RAPGEF1: variants seen among roughly 807,000 people sequenced by gnomAD.
RAPGEF1 encodes CRK SH3-binding GNRP.
Under a neutral mutation model 143.3 loss-of-function variants are expected in RAPGEF1, and 33 were observed. That is an observed-to-expected ratio of 0.23 (90% CI 0.17 to 0.31). The LOEUF is 0.31. Ranked by LOEUF, RAPGEF1 falls within the 10% of genes least tolerant of loss-of-function variation. RAPGEF1 has a pLI of 1.00. For missense variants in RAPGEF1, 1,199 were observed against 1,645.4 expected, an observed-to-expected ratio of 0.73 and a Z score of 4.69; for synonymous variants, 629 against 676.5, an observed-to-expected ratio of 0.93 and a Z score of 1.09.
At chr9:131,683,119 C>T (rs1048489702) in intron 1 of RAPGEF1, among the ~76,000 whole-genome samples, 2 of 152,056 alleles carry the variant, frequency 1.3e-5, no homozygotes, top group African/African-American at 4.8e-5. Context: ...GGGGCATGTC[C>T]CTGGTATGGG....
chr9:131,671,065 CCA>C (rs1831298025), intron 1 of RAPGEF1, among the ~76,000 whole-genome samples: 2 of 152,230 alleles, frequency 1.3e-5, no homozygotes, highest in Admixed American at 1.3e-4. Context: ...TCTCTAAACC[CCA>C]CACTGTCCGG....
At chr9:131,608,913 A>G (rs969644075) in intron 12 of RAPGEF1, among the ~76,000 whole-genome samples, 4 of 152,210 alleles carry the variant, frequency 2.6e-5, no homozygotes, top group African/African-American at 9.7e-5. Flanking sequence ...CATTCCACAG[A>G]AACGCCGCCT....
At chr9:131,701,997 C>T (rs1834685962) in intron 1 of RAPGEF1, among the ~76,000 whole-genome samples, 1 of 152,210 alleles carries the variant, frequency 6.6e-6, no homozygotes, top group Non-Finnish European at 1.5e-5. Flanking sequence ...ATGGCCTTGT[C>T]CGTTCTATTC....
chr9:131,606,535 TTC>T (rs779438900), intron 12 of RAPGEF1, among the ~76,000 whole-genome samples: 1 of 152,142 alleles, frequency 6.6e-6, no homozygotes, highest in Non-Finnish European at 1.5e-5. Context: ...CGCTCAAACA[TTC>T]TCTGTGTTTG....
intron 5 of RAPGEF1, among the ~76,000 whole-genome samples, chr9:131,633,687 C>T (rs555092568): frequency 2.8e-4 from 42 of 152,286 alleles, no homozygotes; most frequent in Admixed American, 9.1e-4. Flanking sequence ...TACACTAGCT[C>T]GCGTGGCCTA....
chr9:131,643,160 A>G, intron 4 of RAPGEF1, 79 bp downstream of exon 4: 1 of 1,459,940 alleles, frequency 6.8e-7, no homozygotes, highest in Non-Finnish European at 9.1e-7. Context: ...AGGAACCTTG[A>G]GTTTCCAGTG....
intron 1 of RAPGEF1, among the ~76,000 whole-genome samples, chr9:131,661,560 G>GT (rs1974115885): frequency 6.6e-6 from 1 of 152,028 alleles, no homozygotes. Context: ...ATCTACATAA[G>GT]GTATGTGTAT....
chr9:131,606,286 G>A (rs1009340292), intron 12 of RAPGEF1, among the ~76,000 whole-genome samples: 4 of 152,192 alleles, frequency 2.6e-5, no homozygotes, highest in Admixed American at 2.0e-4. Flanking sequence ...CAGCCACCAC[G>A]TGGAGAGAAT....
chr9:131,735,702 C>T (rs949566187), intron 1 of RAPGEF1, among the ~76,000 whole-genome samples: 1 of 152,154 alleles, frequency 6.6e-6, no homozygotes, highest in Non-Finnish European at 1.5e-5. Context: ...CCAAGTGGGC[C>T]GTCGGAGGTG....
chr9:131,602,446 G>A (rs553241371), intron 14 of RAPGEF1, among the ~76,000 whole-genome samples: 13 of 152,234 alleles, frequency 8.5e-5, no homozygotes, highest in East Asian at 1.9e-4. Flanking sequence ...CACTCCCCCC[G>A]AGCACAGCCA....
chr9:131,700,074 C>A (rs1026560989), intron 1 of RAPGEF1, among the ~76,000 whole-genome samples: 3 of 152,166 alleles, frequency 2.0e-5, no homozygotes, highest in Non-Finnish European at 4.4e-5. Context: ...CGAAAGTCAA[C>A]CTTCCGATGC....
At chr9:131,626,472 G>C (rs1290343270) in intron 9 of RAPGEF1, 50 bp from the exon 10 acceptor site, 5 of 1,507,004 alleles carry the variant, frequency 3.3e-6, no homozygotes, top group Admixed American at 4.4e-5. Context: ...AGGCCCTGCA[G>C]GAGCAGCCAG....
Position 131,673,672 on chromosome 9 carries a change from T to A in RAPGEF1, c.62-22723A>T, listed in dbSNP as rs141900747. Among the ~76,000 whole-genome samples the A allele has an allele frequency of 1.7e-3, 252 of 152,266 alleles. 1 individual carries two copies. The Middle Eastern group carries it at 0.024, about 14-fold the overall frequency. On this transcript the variant is annotated intron_variant, in intron 1 of 26. Coordinates refer to ENST00000683357, the MANE Select transcript of RAPGEF1 (RefSeq NM_001377935.1). ...AGGACATTCCTATCAACTCCATCTG[T>A]GGAGGGCTACAAAAGCACCCCCCCG...
intron 10 of RAPGEF1, among the ~76,000 whole-genome samples, chr9:131,624,369 G>A (rs1229590100): frequency 6.6e-6 from 1 of 152,184 alleles, no homozygotes; most frequent in African/African-American, 2.4e-5. Flanking sequence ...CAGTGCTGGA[G>A]ACAGTGATGA....
chr9:131,596,324 A>G lies in RAPGEF1; in HGVS notation c.2663T>C (p.Val888Ala). 1 of 1,613,932 alleles carries G rather than the reference A, an allele frequency of 6.2e-7. No homozygotes were observed. Among genetic ancestry groups the G allele is most frequent in the Non-Finnish European group, 8.5e-7 (1 of 1,179,872 alleles). ...VRGGSGDILL[V>A]HATETDRKDL... ...TTTCCTGTCAGTCTCAGTAGCATGG[A>G]CCAGTAAGATGTCCCCAGATCCTCC... Residue 888 changes from valine (V) to alanine (A), a missense_variant, in exon 17 of 27, where the codon GTC (valine) becomes GCC (alanine). Around this residue, in one of 6 missense-constraint regions of RAPGEF1, gnomAD observed 209 missense variants for 403.0 expected, o/e 0.52. Transcript: ENST00000683357.
Position 131,604,000 on chromosome 9 carries a change from G to T in RAPGEF1, c.2373C>A (p.Ser791=). The part of the protein sequence containing the change: ...AGEGEYVNLY[S]SGQSSEELAP... Reference sequence around the variant, plus strand: ...CCAGCTCCTCGCTGCTCTGGCCAGAGGAATACAGATTGACATATTCACCCT... The same window carrying T: ...CCAGCTCCTCGCTGCTCTGGCCAGATGAATACAGATTGACATATTCACCCT... The change falls in exon 14 of 27, where the codon TCC becomes TCA. Residue 791 remains serine (S), a synonymous_variant. Coordinates refer to ENST00000683357, the MANE Select transcript of RAPGEF1 (RefSeq NM_001377935.1). The T allele has an allele frequency of 1.5e-6, 2 of 1,340,526 alleles. No individual in the cohort carries two copies. Among genetic ancestry groups the T allele is most frequent in the Non-Finnish European group, 9.9e-7 (1 of 1,007,414 alleles). 83.0% of individuals were successfully genotyped at this position (1,340,526 alleles called of 1,614,324 possible). A position where few individuals can be genotyped will look rare whatever the true frequency, so the allele number is the denominator to read the frequency against.
intron 5 of RAPGEF1, among the ~76,000 whole-genome samples, chr9:131,636,429 T>C (rs1014331701): frequency 2.0e-5 from 3 of 151,586 alleles, no homozygotes; most frequent in African/African-American, 7.3e-5. Flanking sequence ...TTCTCTCTCC[T>C]TTTTTTTTCC....
At chr9:131,697,937 G>A (rs1257869538) in intron 1 of RAPGEF1, among the ~76,000 whole-genome samples, 1 of 152,188 alleles carries the variant, frequency 6.6e-6, no homozygotes, top group African/African-American at 2.4e-5. Context: ...AAGGCAGACA[G>A]AGGAAGTCAG....
rs1473965493 is a variant in RAPGEF1 at position 131,655,941 on chromosome 9, T to C, written c.62-4992A>G. ...TGGAGTCAGAATGTTTGCATTCAAATACTTAGATATCATCTCTCTAAATCT... is the reference window on the plus strand; with the variant it reads ...TGGAGTCAGAATGTTTGCATTCAAACACTTAGATATCATCTCTCTAAATCT... On this transcript the variant is annotated intron_variant, in intron 1 of 26. Coordinates refer to ENST00000683357, the MANE Select transcript of RAPGEF1 (RefSeq NM_001377935.1). This position sits in a 1 kb window ranked among gnomAD's most constrained non-coding sequence, Gnocchi z 4.1. 6.6e-6 allele frequency among the ~76,000 whole-genome samples: 1 copy of C among 152,190 alleles called. No individual in the cohort carries two copies. The highest frequency in any genetic ancestry group is 1.5e-5 in the Non-Finnish European group (1 of 68,034).
Sources: allele counts gnomAD v4.1 joint callset (sites outside exome capture counted in the v4.1 genomes callset), GRCh38; gene constraint gnomAD v4.1.1; regional missense constraint gnomAD v4.1.1; non-coding constraint Gnocchi (gnomAD v3.1); transcripts MANE v1.5; gene names NCBI Gene and HGNC (gene_info 2026-07-23, HGNC 2026-07-21).